SFI1: variants seen among roughly 807,000 people sequenced by gnomAD.
SFI1 encodes the protein protein SFI1 homolog.
In SFI1, 195 loss-of-function variants were observed where a neutral mutation model predicts 207.5. That is an observed-to-expected ratio of 0.94 (90% CI 0.84 to 1.06). The LOEUF is 1.06. SFI1 is among the 50% of genes least tolerant of loss of function. The probability of loss-of-function intolerance (pLI) is 0.00; values close to 1 mark genes in which losing one functional copy is unlikely to be tolerated. For missense variants in SFI1, 1,634 were observed against 1,588.0 expected, an observed-to-expected ratio of 1.03 and a Z score of -0.49; for synonymous variants, 630 against 598.9, an observed-to-expected ratio of 1.05 and a Z score of -0.76.
At chr22:31,613,248 CCT>C in intron 25 of SFI1, 32 bp downstream of exon 25, 1 of 1,613,056 alleles carries the variant, frequency 6.2e-7, no homozygotes, top group Non-Finnish European at 8.5e-7. Flanking sequence ...ACCATCCCTG[CCT>C]CTCCCTCAGG....
At chr22:31,543,968 T>G (rs575023892) in intron 4 of SFI1, among the ~76,000 whole-genome samples, 2 of 152,090 alleles carry the variant, frequency 1.3e-5, no homozygotes, top group East Asian at 3.9e-4. Flanking sequence ...GTCAGCAGAT[T>G]GTCTGAGCTC....
At chr22:31,583,829 A>G (rs1257325777) in intron 12 of SFI1, 46 bp from the exon 13 acceptor site, 1 of 1,539,066 alleles carries the variant, frequency 6.5e-7, no homozygotes, top group Non-Finnish European at 9.0e-7. Context: ...TCACTGTTTT[A>G]CCTTTCATCT....
At chr22:31,552,293 C>T (rs551482222) in intron 6 of SFI1, among the ~76,000 whole-genome samples, 1 of 152,156 alleles carries the variant, frequency 6.6e-6, no homozygotes, top group South Asian at 2.1e-4. Flanking sequence ...CACTCTGTCA[C>T]CCAGGCTGGA....
intron 8 of SFI1, among the ~76,000 whole-genome samples, chr22:31,564,102 C>T (rs867966464): frequency 3.3e-5 from 5 of 151,392 alleles, no homozygotes; most frequent in African/African-American, 7.3e-5. Flanking sequence ...CTGAGGTGGG[C>T]GGATCATGAG....
At position 31,509,026 on chromosome 22, in the gene SFI1, C is replaced by G. The variant is rs150687967; in HGVS notation, c.92+650C>G. On this transcript the variant is annotated intron_variant, in intron 2 of 32. Transcript: ENST00000400288. The stretch of plus-strand genomic sequence containing the variant: ...TGGATTTTGTCACATGGTTTTTGTA[C>G]ATTTATTGAGATAATCATGTGGTTT... Among the ~76,000 whole-genome samples the G allele has an allele frequency of 1.8e-3, 280 of 152,226 alleles. 2 individuals carry two copies. The highest frequency in any genetic ancestry group is 7.9e-3 in the South Asian group (38 of 4,830).
At chr22:31,520,111 T>C (rs1488309793) in intron 2 of SFI1, among the ~76,000 whole-genome samples, 1 of 150,320 alleles carries the variant, frequency 6.7e-6, no homozygotes, top group Non-Finnish European at 1.5e-5. Context: ...GAAAACGGCA[T>C]GAAACAAGTG....
intron 32 of SFI1, 44 bp downstream of exon 32, chr22:31,618,270 G>A (rs777268111): frequency 3.7e-6 from 6 of 1,603,112 alleles, no homozygotes; most frequent in Non-Finnish European, 4.3e-6. Context: ...GGACGCCCCG[G>A]GCTGTGCTCC....
intron 5 of SFI1, among the ~76,000 whole-genome samples, chr22:31,548,791 A>C (rs1408617001): frequency 6.6e-6 from 1 of 152,040 alleles, no homozygotes; most frequent in Non-Finnish European, 1.5e-5. Context: ...TCTGGACGAC[A>C]GAGTGAGACT....
chr22:31,516,846 C>T (rs897255283), intron 2 of SFI1, among the ~76,000 whole-genome samples: 3 of 151,692 alleles, frequency 2.0e-5, no homozygotes, highest in Non-Finnish European at 2.9e-5. Flanking sequence ...CCCAGCTACT[C>T]GGGAGGCTGA....
intron 2 of SFI1, among the ~76,000 whole-genome samples, chr22:31,513,011 G>A (rs948814392): frequency 6.6e-6 from 1 of 152,050 alleles, no homozygotes; most frequent in African/African-American, 2.4e-5. Flanking sequence ...AATACAGATA[G>A]GGTTTCACCA....
At chr22:31,528,190 TAGG>T (rs1218779030) in intron 2 of SFI1, among the ~76,000 whole-genome samples, 1 of 151,100 alleles carries the variant, frequency 6.6e-6, no homozygotes, top group African/African-American at 2.4e-5. Context: ...GAGGATGTGG[TAGG>T]AGGATTCCTT....
At chr22:31,594,621 C>A (rs1038492671) in intron 15 of SFI1, among the ~76,000 whole-genome samples, 2 of 150,506 alleles carry the variant, frequency 1.3e-5, no homozygotes, top group Non-Finnish European at 2.9e-5. Context: ...TTTGGGAGTC[C>A]AAGGCGGGCG....
At chr22:31,512,006 A>G (rs1245429020) in intron 2 of SFI1, among the ~76,000 whole-genome samples, 1 of 152,150 alleles carries the variant, frequency 6.6e-6, no homozygotes, top group African/African-American at 2.4e-5. Flanking sequence ...ATCGTTTAAG[A>G]TATCATTTTG....
chr22:31,562,928 G>A (rs890093926), intron 8 of SFI1, among the ~76,000 whole-genome samples: 2 of 150,892 alleles, frequency 1.3e-5, no homozygotes, highest in Non-Finnish European at 2.9e-5. Flanking sequence ...CACCACATCC[G>A]GCCGCTTGGA....
intron 8 of SFI1, among the ~76,000 whole-genome samples, chr22:31,571,022 C>T (rs1029130823): frequency 1.1e-4 from 17 of 152,142 alleles, no homozygotes; most frequent in Non-Finnish European, 2.4e-4. Flanking sequence ...CCTGTGGGAG[C>T]GGGCTCAAGA....
At chr22:31,604,157 A>T (rs1407631101) in intron 18 of SFI1, 152 bp from the exon 19 acceptor site, 1 of 642,720 alleles carries the variant, frequency 1.6e-6, no homozygotes, top group Non-Finnish European at 2.7e-6. Flanking sequence ...TCATCAAATC[A>T]TCACAGAACC....
chr22:31,565,844 T>G (rs1261163614), intron 8 of SFI1, among the ~76,000 whole-genome samples: 1 of 152,146 alleles, frequency 6.6e-6, no homozygotes, highest in East Asian at 1.9e-4. Context: ...TTCTTCCTTT[T>G]TTAAAATAGA....
chr22:31,535,611 C>T (rs376151134), intron 4 of SFI1, among the ~76,000 whole-genome samples: 11 of 152,166 alleles, frequency 7.2e-5, no homozygotes, highest in African/African-American at 2.6e-4. Context: ...TCAAGCAATT[C>T]TACTGCCTCT....
Position 31,614,680 on chromosome 22 carries a change from CCTTTCCTGA to C in SFI1, c.2997-103_2997-95del, listed in dbSNP as rs750517112. ...AGCTTACTTGCTGACCTTGGCCTCG[CCTTTCCTGA>C]CTTTCAGTCTCCCTATAAAATTGGA... On this transcript the variant is annotated intron_variant, in intron 27 of 32. Transcript: ENST00000400288. 4.2e-5 allele frequency: 56 copies of C among 1,327,582 alleles called. 1 individual carries two copies. The highest frequency in any genetic ancestry group is 3.2e-6 in the Non-Finnish European group (3 of 935,392). 82.2% of individuals were successfully genotyped at this position (1,327,582 alleles called of 1,614,324 possible).
Sources: gnomAD v4.1 joint callset for allele counts (sites outside exome capture counted in the v4.1 genomes callset) on GRCh38, gnomAD v4.1.1 for gene constraint, MANE v1.5 for transcripts, NCBI Gene and HGNC (gene_info 2026-07-23, HGNC 2026-07-21) for gene names.